Variants in EYA4 observed in about 807,000 individuals in gnomAD.
The protein encoded by EYA4 is EYA transcriptional coactivator and phosphatase 4.
Under a neutral mutation model 87.9 loss-of-function variants are expected in EYA4, and 31 were observed. The ratio of observed to expected loss-of-function variants is 0.35; its 90% CI spans 0.27 to 0.48. EYA4 has a LOEUF of 0.48. Ranked by LOEUF, EYA4 falls within the 20% of genes least tolerant of loss-of-function variation. The pLI is 0.99. For missense variants in EYA4, 678 were observed against 761.4 expected (o/e 0.89, Z 1.29); for synonymous variants, 263 against 270.6 (o/e 0.97, Z 0.28).
Position 133,452,562 on chromosome 6 carries a change from G to A in EYA4, c.278-3994G>A, listed in dbSNP as rs1793553015. 2.6e-5 allele frequency among the ~76,000 whole-genome samples: 4 copies of A among 152,112 alleles called. No individual in the cohort carries two copies. In the South Asian group the frequency reaches 6.2e-4, roughly 24 times the overall value. ...TAAGTGTATGGCAGTAGGGATGAAGGTTGGGATGTGAAGACAGGAAATCTG... is the reference window on the plus strand; with the variant it reads ...TAAGTGTATGGCAGTAGGGATGAAGATTGGGATGTGAAGACAGGAAATCTG... On this transcript the variant is annotated intron_variant, in intron 5 of 19. Coordinates refer to ENST00000355286, the MANE Select transcript of EYA4 (RefSeq NM_004100.5).
intron 2 of EYA4, among the ~76,000 whole-genome samples, chr6:133,380,995 C>A (rs780239225): frequency 6.7e-6 from 1 of 148,204 alleles, no homozygotes; most frequent in Admixed American, 6.8e-5. Flanking sequence ...TTTTCTTCCT[C>A]TTCTTTTCCT....
chr6:133,293,048 A>G (rs184841384), intron 2 of EYA4, among the ~76,000 whole-genome samples: 29 of 152,290 alleles, frequency 1.9e-4, no homozygotes, highest in Non-Finnish European at 3.1e-4. Flanking sequence ...CTGGCTTGCA[A>G]TGTATTCCCG....
Position 133,507,858 on chromosome 6 carries a change from G to C in EYA4, c.1281+1663G>C, listed in dbSNP as rs1343234841. On this transcript the variant is annotated intron_variant, in intron 14 of 19. Transcript: ENST00000355286. Reference sequence around the variant, plus strand: ...TACATGTGCATGTGTCTTTATAGTAGAATGATTAATAATCCTTTGGGTATA... The same window carrying C: ...TACATGTGCATGTGTCTTTATAGTACAATGATTAATAATCCTTTGGGTATA... 2.6e-5 allele frequency among the ~76,000 whole-genome samples: 4 copies of C among 152,202 alleles called. No individual in the cohort carries two copies. The East Asian group carries it at 5.8e-4, about 22-fold the overall frequency.
intron 9 of EYA4, among the ~76,000 whole-genome samples, chr6:133,463,754 G>A (rs1401969966): frequency 6.6e-6 from 1 of 152,110 alleles, no homozygotes; most frequent in Non-Finnish European, 1.5e-5. Context: ...TGTCTGTACT[G>A]CAAATCACAA....
chr6:133,528,795 A>T lies in EYA4; in HGVS notation c.1910A>T (p.Glu637Val). The change falls in exon 20 of 20, where the codon GAG (glutamate) becomes GTG (valine). Residue 637 changes from glutamate (E) to valine (V), a missense_variant. By Grantham distance (121) the Glu-to-Val change is moderately radical. Coordinates refer to ENST00000355286, the MANE Select transcript of EYA4 (RefSeq NM_004100.5). ...GCTCTCCACCAAGCACTGGAATTAG[A>T]GTATTTGTAACTGTGTTCTTTAGCC... ...LLALHQALEL[E>V]YL The T allele has an allele frequency of 6.2e-7, 1 of 1,613,576 alleles. No individual in the cohort carries two copies. Among genetic ancestry groups the T allele is most frequent in the Non-Finnish European group, 8.5e-7 (1 of 1,179,634 alleles).
intron 3 of EYA4, among the ~76,000 whole-genome samples, chr6:133,446,349 C>T (rs543297507): frequency 6.2e-4 from 94 of 152,038 alleles, no homozygotes; most frequent in African/African-American, 1.3e-3. Context: ...TTAGTAATAA[C>T]ATGTTTTCCA....
chr6:133,264,801 A>G (rs1322683797), intron 1 of EYA4, among the ~76,000 whole-genome samples: 4 of 152,146 alleles, frequency 2.6e-5, no homozygotes, highest in Non-Finnish European at 2.9e-5. Context: ...AGAGCAAAGC[A>G]TGCCTGGACA....
At chr6:133,472,665 C>T (rs1365597042) in intron 11 of EYA4, among the ~76,000 whole-genome samples, 1 of 52,668 alleles carries the variant, frequency 1.9e-5, no homozygotes, top group African/African-American at 8.0e-5. Flanking sequence ...CTTTCTGTCT[C>T]GTTGATCTGT....
intron 1 of EYA4, among the ~76,000 whole-genome samples, chr6:133,243,433 G>A (rs556176906): frequency 1.3e-5 from 2 of 152,208 alleles, no homozygotes; most frequent in Admixed American, 6.5e-5. Flanking sequence ...TTCAGTGCGG[G>A]CTCCTGCGGG....
At chr6:133,377,258 A>G (rs1192912465) in intron 2 of EYA4, among the ~76,000 whole-genome samples, 4 of 152,040 alleles carry the variant, frequency 2.6e-5, no homozygotes, top group African/African-American at 7.2e-5. Flanking sequence ...TATACCCAAA[A>G]TATCATTTTA....
chr6:133,483,229 ATCT>A (rs1227390481), intron 13 of EYA4, 114 bp downstream of exon 13: 8 of 743,136 alleles, frequency 1.1e-5, no homozygotes, highest in African/African-American at 8.8e-5. Flanking sequence ...AGTCTGTGAA[ATCT>A]TCTCTTAATT....
intron 2 of EYA4, among the ~76,000 whole-genome samples, chr6:133,371,049 G>A (rs951000939): frequency 2.1e-4 from 32 of 152,114 alleles, no homozygotes; most frequent in African/African-American, 7.5e-4. Context: ...TCAAGAAGAA[G>A]AAGTGTAAAT....
At chr6:133,473,326 G>T (rs751109275) in intron 11 of EYA4, among the ~76,000 whole-genome samples, 1 of 152,002 alleles carries the variant, frequency 6.6e-6, no homozygotes. Context: ...TGATATTTCA[G>T]CAGTAAATGA....
At chr6:133,508,822 A>C (rs1360989790) in intron 14 of EYA4, among the ~76,000 whole-genome samples, 1 of 152,326 alleles carries the variant, frequency 6.6e-6, no homozygotes, top group South Asian at 2.1e-4. Context: ...TATTTCAAAA[A>C]TACCTGGCAG....
chr6:133,377,367 C>T (rs146604270), intron 2 of EYA4, among the ~76,000 whole-genome samples: 1 of 151,962 alleles, frequency 6.6e-6, no homozygotes, highest in Non-Finnish European at 1.5e-5. Flanking sequence ...CATCTCCGTT[C>T]AATTCAGCCA....
At chr6:133,316,609 T>G (rs1174434184) in intron 2 of EYA4, among the ~76,000 whole-genome samples, 1 of 152,196 alleles carries the variant, frequency 6.6e-6, no homozygotes, top group Admixed American at 6.6e-5. Flanking sequence ...TTCCATTAAT[T>G]GACTACGCTA....
intron 3 of EYA4, among the ~76,000 whole-genome samples, chr6:133,424,255 T>C (rs1447777183): frequency 6.6e-6 from 1 of 152,070 alleles, no homozygotes. Flanking sequence ...TGCCAAATGG[T>C]CCATGGGTGG....
intron 1 of EYA4, among the ~76,000 whole-genome samples, chr6:133,242,281 T>C (rs546383039): frequency 5.9e-5 from 9 of 152,306 alleles, no homozygotes; most frequent in East Asian, 3.9e-4. Context: ...GTGTGTACTT[T>C]AAAGGCTCGC....
intron 11 of EYA4, among the ~76,000 whole-genome samples, chr6:133,479,908 A>AAGAT (rs1796059560): frequency 6.6e-6 from 1 of 152,180 alleles, no homozygotes; most frequent in Non-Finnish European, 1.5e-5. Context: ...TCTACCTCCT[A>AAGAT]AGATACTTTC....
Sources: allele counts gnomAD v4.1 joint callset (sites outside exome capture counted in the v4.1 genomes callset), GRCh38; gene constraint gnomAD v4.1.1; transcripts MANE v1.5; gene names NCBI Gene and HGNC (gene_info 2026-07-23, HGNC 2026-07-21).